Variants in MPDZ observed in about 807,000 individuals in gnomAD.
The protein encoded by MPDZ is multiple PDZ domain crumbs cell polarity complex component.
Under a neutral mutation model 239.1 loss-of-function variants are expected in MPDZ, and 234 were observed. The ratio of observed to expected loss-of-function variants is 0.98; its 90% CI spans 0.88 to 1.09. MPDZ has a LOEUF of 1.09. Ranked by LOEUF, MPDZ falls within the 50% of genes least tolerant of loss-of-function variation. The probability of loss-of-function intolerance (pLI) is 0.00; values close to 1 mark genes in which losing one functional copy is unlikely to be tolerated. For synonymous variants in MPDZ, 1,048 were observed against 881.3 expected (o/e 1.19, Z -3.35); for missense variants, 3,175 against 2,510.0 (o/e 1.26, Z -5.66).
intron 3 of MPDZ, among the ~76,000 whole-genome samples, chr9:13,233,191 T>C (rs2136881914): frequency 1.3e-5 from 2 of 152,264 alleles, no homozygotes; most frequent in South Asian, 2.1e-4. Flanking sequence ...AATATCACTC[T>C]TAAGTGAACA....
chr9:13,151,894 A>G (rs1044910229), intron 24 of MPDZ, among the ~76,000 whole-genome samples: 1 of 114,006 alleles, frequency 8.8e-6, no homozygotes, highest in Non-Finnish European at 1.6e-5. Flanking sequence ...ACTAGTAGTA[A>G]AACAAAGATA....
At chr9:13,143,840 C>T (rs540687832) in intron 26 of MPDZ, among the ~76,000 whole-genome samples, 3 of 152,010 alleles carry the variant, frequency 2.0e-5, no homozygotes, top group African/African-American at 7.2e-5. Context: ...TCAATGTCTT[C>T]GGTATTACTA....
At chr9:13,123,953 AAGAAT>A (rs1291089151) in intron 35 of MPDZ, among the ~76,000 whole-genome samples, 1 of 152,230 alleles carries the variant, frequency 6.6e-6, no homozygotes, top group Non-Finnish European at 1.5e-5. Flanking sequence ...ATGAATAGAT[AAGAAT>A]AGATTATGAG....
chr9:13,257,395 C>T (rs1054003614), intron 1 of MPDZ, among the ~76,000 whole-genome samples: 6 of 152,100 alleles, frequency 3.9e-5, no homozygotes, highest in Admixed American at 6.6e-5. Flanking sequence ...AATGGGAGAA[C>T]TTGGAATTGA....
intron 39 of MPDZ, among the ~76,000 whole-genome samples, chr9:13,115,950 C>CAAAAAAAA (rs71491603): frequency 2.5e-5 from 1 of 40,614 alleles, no homozygotes; most frequent in African/African-American, 9.8e-5. Flanking sequence ...GACTCCACCT[C>CAAAAAAAA]AAAAAAAAAA....
At chr9:13,137,855 G>A in intron 29 of MPDZ, 102 bp downstream of exon 29, 2 of 1,197,764 alleles carry the variant, frequency 1.7e-6, no homozygotes, top group East Asian at 2.5e-5. Context: ...GCAAGCAATG[G>A]CTTTCTCAGT....
chr9:13,223,849 T>A (rs1959633047), intron 4 of MPDZ, 139 bp from the exon 5 acceptor site: 1 of 793,056 alleles, frequency 1.3e-6, no homozygotes, highest in African/African-American at 1.8e-5. Flanking sequence ...CTGGGCTACA[T>A]AATGTGACCC....
chr9:13,145,882 T>C (rs979538564), intron 26 of MPDZ, among the ~76,000 whole-genome samples: 13 of 151,950 alleles, frequency 8.6e-5, no homozygotes, highest in African/African-American at 3.1e-4. Context: ...CAGCAATTTA[T>C]AGTATTGTCC....
At chr9:13,137,330 T>A (rs564510620) in intron 29 of MPDZ, among the ~76,000 whole-genome samples, 3 of 152,242 alleles carry the variant, frequency 2.0e-5, no homozygotes, top group African/African-American at 7.2e-5. Context: ...AGTCATTTGG[T>A]CATTTAGCCA....
At chr9:13,180,599 T>C (rs1330216622) in intron 19 of MPDZ, among the ~76,000 whole-genome samples, 1 of 152,124 alleles carries the variant, frequency 6.6e-6, no homozygotes, top group East Asian at 1.9e-4. Flanking sequence ...AGTCTGCCAA[T>C]TTAAAAACCA....
chr9:13,160,489 C>T (rs1950328474), intron 23 of MPDZ, among the ~76,000 whole-genome samples: 1 of 152,054 alleles, frequency 6.6e-6, no homozygotes, highest in South Asian at 2.1e-4. Flanking sequence ...TTTTAAGGCC[C>T]TAGAACTTAA....
rs763919393 is a variant in MPDZ, at chr9:13,168,436, T to C, written c.3184A>G (p.Thr1062Ala). 60 of 1,613,466 alleles carry C rather than the reference T, an allele frequency of 3.7e-5. No individual in the cohort carries two copies. The highest frequency in any genetic ancestry group is 4.9e-5 in the Non-Finnish European group (58 of 1,179,600). The change falls in exon 22 of 47, where the codon ACC becomes GCC. Residue 1062 changes from threonine to alanine, a missense_variant. Physicochemically the swap from Thr to Ala is moderately conservative, Grantham distance 58. Transcript: ENST00000319217. ...DCILSINEES[T>A]ISVTNAQARA... ...GCCTGGGCATTGGTTACACTGATGGTAGACTCTTCATTAATGGACAAGATG... is the reference window on the plus strand; with the variant it reads ...GCCTGGGCATTGGTTACACTGATGGCAGACTCTTCATTAATGGACAAGATG...
In MPDZ at chr9:13,123,135, C is replaced by G; in HGVS notation, c.4953+18G>C. On this transcript the variant is annotated intron_variant, in intron 36 of 46. Transcript: ENST00000319217. ...CTGAAGGACGGCCTGTACAGAAGCA[C>G]CTCTGGGTGGTGCTCACCAGCAGCG... 1 of 1,607,898 alleles carries G rather than the reference C, an allele frequency of 6.2e-7. No homozygotes were observed. Among genetic ancestry groups the G allele is most frequent in the South Asian group, 1.1e-5 (1 of 90,340 alleles).
rs749075349 is a variant in MPDZ at position 13,126,599 on chromosome 9, A to C, written c.4558-9T>G. The C allele has an allele frequency of 3.1e-6, 5 of 1,608,180 alleles. No homozygotes were observed. The highest frequency in any genetic ancestry group is 1.1e-5 in the South Asian group (1 of 90,030). ...ACTTTGAGTCGTCCATCCTAAATGG[A>C]AACGTAGAAGAATTTGAGTGATATT... On this transcript the variant is annotated splice_polypyrimidine_tract_variant and intron_variant, in intron 33 of 46. Coordinates refer to ENST00000319217, the MANE Select transcript of MPDZ (RefSeq NM_001378778.1).
chr9:13,176,008 A>G (rs1400240080), intron 20 of MPDZ, 128 bp downstream of exon 20: 10 of 1,409,042 alleles, frequency 7.1e-6, no homozygotes, highest in Non-Finnish European at 9.4e-6. Flanking sequence ...AAACAAGTTC[A>G]TAGGTTGCCT....
Position 13,216,878 on chromosome 9 carries a change from G to A in MPDZ, c.1202-16C>T. 1 of 1,586,144 alleles carries A rather than the reference G, an allele frequency of 6.3e-7. No homozygotes were observed. The highest frequency in any genetic ancestry group is 8.6e-7 in the Non-Finnish European group (1 of 1,160,222). On this transcript the variant is annotated splice_polypyrimidine_tract_variant and intron_variant, in intron 9 of 46. Transcript: ENST00000319217. ...CCTGAAGGTTCTAAGATTAGAAATA[G>A]TTTATTTTTCACAATTTTCAAAGCA...
At chr9:13,109,902 C>A (rs1165189177) in intron 45 of MPDZ, 50 bp downstream of exon 45, 12 of 1,448,572 alleles carry the variant, frequency 8.3e-6, no homozygotes, top group Non-Finnish European at 1.1e-5. Context: ...GTCAGGAAGA[C>A]TTGATTCATA....
intron 10 of MPDZ, among the ~76,000 whole-genome samples, chr9:13,210,655 A>T (rs542709627): frequency 2.5e-4 from 38 of 152,204 alleles, no homozygotes; most frequent in Admixed American, 1.6e-3. Flanking sequence ...CATAGACCAC[A>T]CAGGAGTGAG....
chr9:13,191,187 C>G (rs762921331), intron 15 of MPDZ, among the ~76,000 whole-genome samples: 6 of 152,088 alleles, frequency 3.9e-5, no homozygotes, highest in African/African-American at 1.4e-4. Flanking sequence ...ATATAGGGTA[C>G]TAGACTTTGA....
Sources: gnomAD v4.1 joint callset for allele counts (sites outside exome capture counted in the v4.1 genomes callset) on GRCh38, gnomAD v4.1.1 for gene constraint, MANE v1.5 for transcripts, NCBI Gene and HGNC (gene_info 2026-07-23, HGNC 2026-07-21) for gene names.